The following CCDC85A variants were observed in gnomAD, a reference collection of about 807,000 sequenced individuals.
CCDC85A encodes the protein coiled-coil domain containing 85A.
A neutral mutation model predicts 50.2 loss-of-function variants in CCDC85A; 38 were observed. The observed-to-expected ratio is 0.76, with a 90% CI of 0.58 to 0.99. The LOEUF is 0.99. Ranked by LOEUF, CCDC85A falls within the 50% of genes least tolerant of loss-of-function variation. The pLI is 0.00. For synonymous variants in CCDC85A, 366 were observed against 301.4 expected (o/e 1.21, Z -2.22); for missense variants, 820 against 742.0 (o/e 1.11, Z -1.22).
chr2:56,340,248 G>T (rs957997395), intron 2 of CCDC85A, among the ~76,000 whole-genome samples: 36 of 152,200 alleles, frequency 2.4e-4, no homozygotes, highest in African/African-American at 8.2e-4. Context: ...AATAGAATTG[G>T]GTTCATATAA....
Position 56,316,304 on chromosome 2 carries a change from A to G in CCDC85A, c.1241-26575A>G, listed in dbSNP as rs552619400. Among the ~76,000 whole-genome samples, 4 of 152,198 alleles carry G rather than the reference A, an allele frequency of 2.6e-5. No homozygotes were observed. In the South Asian group the frequency reaches 8.3e-4, roughly 32 times the overall value. On this transcript the variant is annotated intron_variant, in intron 2 of 5. Coordinates refer to ENST00000407595, the MANE Select transcript of CCDC85A (RefSeq NM_001080433.2). ...ATTCTCCTATAAGCTATTCTTGCAT[A>G]TTAGTGGAAAACTGATTTATATCTT...
intron 2 of CCDC85A, among the ~76,000 whole-genome samples, chr2:56,197,407 A>G (rs1369987584): frequency 6.6e-6 from 1 of 152,184 alleles, no homozygotes; most frequent in Non-Finnish European, 1.5e-5. Flanking sequence ...CCCCTGGTTC[A>G]AAACCATTGC....
intron 5 of CCDC85A, chr2:56,383,614 T>G: frequency 4.1e-6 from 4 of 985,188 alleles, no homozygotes; most frequent in Non-Finnish European, 4.8e-6. Flanking sequence ...GCTTTGTGTT[T>G]TGGAAATCCA....
chr2:56,339,116 C>CA (rs1674228839), intron 2 of CCDC85A, among the ~76,000 whole-genome samples: 1 of 152,174 alleles, frequency 6.6e-6, no homozygotes, highest in Admixed American at 6.5e-5. Flanking sequence ...TTAAGGTTTG[C>CA]AATAACTGGC....
At chr2:56,291,008 A>G (rs549348244) in intron 2 of CCDC85A, among the ~76,000 whole-genome samples, 1 of 152,240 alleles carries the variant, frequency 6.6e-6, no homozygotes, top group Non-Finnish European at 1.5e-5. Context: ...TCATTTGACC[A>G]TGTAACTCTT....
intron 5 of CCDC85A, among the ~76,000 whole-genome samples, chr2:56,381,205 A>G (rs1676569285): frequency 6.6e-6 from 1 of 152,028 alleles, no homozygotes; most frequent in African/African-American, 2.4e-5. Context: ...CTAGTTCTAG[A>G]TGTCATCTTT....
At chr2:56,223,778 A>G (rs565430309) in intron 2 of CCDC85A, among the ~76,000 whole-genome samples, 1 of 152,282 alleles carries the variant, frequency 6.6e-6, no homozygotes, top group South Asian at 2.1e-4. Context: ...AAGCCTGGCC[A>G]TACAAATACC....
chr2:56,197,733 G>C (rs958425608), intron 2 of CCDC85A, among the ~76,000 whole-genome samples: 2 of 152,170 alleles, frequency 1.3e-5, no homozygotes, highest in African/African-American at 4.8e-5. Flanking sequence ...ACTGATCCCA[G>C]CTGTTACCGT....
intron 2 of CCDC85A, among the ~76,000 whole-genome samples, chr2:56,333,898 A>G (rs974150205): frequency 1.3e-5 from 2 of 152,222 alleles, no homozygotes; most frequent in Admixed American, 1.3e-4. Context: ...GTGACAAGAC[A>G]AACAGATTCC....
chr2:56,365,863 C>T (rs541155109), intron 3 of CCDC85A, among the ~76,000 whole-genome samples: 27 of 152,234 alleles, frequency 1.8e-4, no homozygotes, highest in African/African-American at 6.3e-4. Flanking sequence ...GAAATTATTC[C>T]TCCTGTCTAA....
chr2:56,292,136 G>A (rs1671741088), intron 2 of CCDC85A, among the ~76,000 whole-genome samples: 1 of 152,152 alleles, frequency 6.6e-6, no homozygotes, highest in Admixed American at 6.5e-5. Flanking sequence ...AGGCTGGAGT[G>A]CAGTGGCGCC....
chr2:56,231,790 G>C (rs1255718434), intron 2 of CCDC85A, among the ~76,000 whole-genome samples: 1 of 152,094 alleles, frequency 6.6e-6, no homozygotes, highest in Non-Finnish European at 1.5e-5. Context: ...TGTAGTTACT[G>C]TTTTCACTTC....
At chr2:56,366,047 A>G (rs146996537) in intron 3 of CCDC85A, among the ~76,000 whole-genome samples, 12 of 152,192 alleles carry the variant, frequency 7.9e-5, no homozygotes, top group Middle Eastern at 3.4e-3. Flanking sequence ...ATTTAGTGTA[A>G]TGTCCTCCAG....
chr2:56,316,155 A>G (rs1403111908), intron 2 of CCDC85A, among the ~76,000 whole-genome samples: 1 of 152,142 alleles, frequency 6.6e-6, no homozygotes, highest in Non-Finnish European at 1.5e-5. Flanking sequence ...AGCTGAGATT[A>G]TACATTTCAA....
intron 2 of CCDC85A, among the ~76,000 whole-genome samples, chr2:56,282,266 T>C (rs1458411582): frequency 6.6e-6 from 1 of 152,174 alleles, no homozygotes; most frequent in Non-Finnish European, 1.5e-5. Context: ...GTTATGTTTG[T>C]CTGTCCTTAC....
At position 56,199,164 on chromosome 2, in the gene CCDC85A, A is replaced by G. The variant is rs114776802; in HGVS notation, c.1240+5724A>G. On this transcript the variant is annotated intron_variant, in intron 2 of 5. Coordinates refer to ENST00000407595, the MANE Select transcript of CCDC85A (RefSeq NM_001080433.2). ...GGGAAGTGAAAAGCTATGGTGAGTT[A>G]TTCCATTTCATCAGGTCACAGCTTT... Among the ~76,000 whole-genome samples, 350 of 152,344 alleles carry G rather than the reference A, an allele frequency of 2.3e-3. 3 individuals carry two copies. Among genetic ancestry groups the G allele is most frequent in the African/African-American group, 8.1e-3 (337 of 41,578 alleles).
At chr2:56,340,540 A>C (rs528478833) in intron 2 of CCDC85A, among the ~76,000 whole-genome samples, 55 of 152,308 alleles carry the variant, frequency 3.6e-4, no homozygotes, top group Non-Finnish European at 5.1e-4. Context: ...GCAGAAGAAG[A>C]AGCCGAGGCA....
chr2:56,311,516 G>A (rs1672691219), intron 2 of CCDC85A, among the ~76,000 whole-genome samples: 3 of 151,080 alleles, frequency 2.0e-5, no homozygotes, highest in Admixed American at 2.0e-4. Context: ...TGTGCACAAT[G>A]TGCAGGTTTG....
intron 2 of CCDC85A, among the ~76,000 whole-genome samples, chr2:56,208,343 A>G (rs1026648748): frequency 1.3e-5 from 2 of 152,172 alleles, no homozygotes; most frequent in Non-Finnish European, 2.9e-5. Context: ...CCATACAATG[A>G]AGCACAATCT....
Sources: allele counts gnomAD v4.1 joint callset (sites outside exome capture counted in the v4.1 genomes callset), GRCh38; gene constraint gnomAD v4.1.1; transcripts MANE v1.5; gene names NCBI Gene and HGNC (gene_info 2026-07-23, HGNC 2026-07-21).